GAS7: variants seen among roughly 807,000 people sequenced by gnomAD.
The protein encoded by GAS7 is growth arrest-specific protein 7.
Under a neutral mutation model 71.1 loss-of-function variants are expected in GAS7, and 28 were observed. The observed-to-expected ratio is 0.39, with a 90% CI of 0.29 to 0.54. The LOEUF (loss-of-function observed/expected upper bound fraction) is 0.54, where lower values mean the gene tolerates loss of function less well. GAS7 is among the 20% of genes least tolerant of loss of function. The pLI is 0.62. For missense variants in GAS7, 436 were observed against 627.8 expected (o/e 0.69, Z 3.27); for synonymous variants, 258 against 245.8 (o/e 1.05, Z -0.46).
In GAS7 at chr17:10,078,896, T is replaced by A. The variant is rs1050931380; in HGVS notation, c.184-58999A>T. On this transcript the variant is annotated intron_variant, in intron 1 of 13. Transcript: ENST00000432992. The stretch of plus-strand genomic sequence containing the variant: ...AAACCTCTATCTCTACAAAAAAAAA[T>A]TTTTTTAATTAGCCAGGTGTGATGG... 8.0e-4 allele frequency among the ~76,000 whole-genome samples: 122 copies of A among 152,042 alleles called. 1 individual carries two copies. Among genetic ancestry groups the A allele is most frequent in the African/African-American group, 2.2e-3 (90 of 41,486 alleles).
rs994503208 is a variant in GAS7, at chr17:9,979,103, A to G, written c.385+2701T>C. 5.3e-5 allele frequency among the ~76,000 whole-genome samples: 8 copies of G among 152,230 alleles called. No individual in the cohort carries two copies. In the South Asian group the frequency reaches 1.4e-3, roughly 28 times the overall value. On this transcript the variant is annotated intron_variant, in intron 3 of 13. Coordinates refer to ENST00000432992, the MANE Select transcript of GAS7 (RefSeq NM_201433.2). ...AAAGAGGGAGGAAAGCTTAACACAT[A>G]TGTGGTATGTTTCAAACAAAGAAAC...
chr17:10,185,562 C>T (rs1189715706), intron 1 of GAS7, among the ~76,000 whole-genome samples: 1 of 152,110 alleles, frequency 6.6e-6, no homozygotes, highest in Non-Finnish European at 1.5e-5. Flanking sequence ...AACGTGTTTC[C>T]CCAAGTTCTG....
chr17:10,168,050 G>A (rs2074308644), intron 1 of GAS7, among the ~76,000 whole-genome samples: 3 of 152,078 alleles, frequency 2.0e-5, no homozygotes, highest in Admixed American at 2.0e-4. Flanking sequence ...CTGGGCTCAA[G>A]GTACTCCCAC....
chr17:9,939,916 C>G (rs924595092), intron 8 of GAS7, among the ~76,000 whole-genome samples: 7 of 152,146 alleles, frequency 4.6e-5, no homozygotes, highest in Non-Finnish European at 7.4e-5. Context: ...TGGAAGTGCC[C>G]TTTTGAGTGT....
At chr17:10,137,761 G>A (rs1335976718) in intron 1 of GAS7, among the ~76,000 whole-genome samples, 2 of 151,946 alleles carry the variant, frequency 1.3e-5, no homozygotes, top group African/African-American at 2.4e-5. Context: ...GGCTGGTCTC[G>A]AACTCCTGGC....
chr17:10,167,044 C>CTTTTTTTTTTTTTTT lies in GAS7; in HGVS notation c.183+31149_183+31163dup, dbSNP rs1164151104. On this transcript the variant is annotated intron_variant, in intron 1 of 13. Coordinates refer to ENST00000432992, the MANE Select transcript of GAS7 (RefSeq NM_201433.2). The stretch of plus-strand genomic sequence containing the variant: ...AAACCAATCTACTATTTCCATTTGT[C>CTTTTTTTTTTTTTTT]TTTTTTTTTTTTTTTTTTTTTTTTT... Among the ~76,000 whole-genome samples the CTTTTTTTTTTTTTTT allele has an allele frequency of 3.6e-3, 214 of 58,806 alleles. 47 individuals are homozygous for CTTTTTTTTTTTTTTT. The highest frequency in any genetic ancestry group is 7.6e-3 in the African/African-American group (94 of 12,300). 38.6% of individuals were successfully genotyped at this position (58,806 alleles called of 152,430 possible). A position where few individuals can be genotyped will look rare whatever the true frequency, so the allele number is the denominator to read the frequency against.
chr17:10,072,407 C>T (rs1346058659), intron 1 of GAS7, among the ~76,000 whole-genome samples: 2 of 152,164 alleles, frequency 1.3e-5, no homozygotes, highest in Non-Finnish European at 2.9e-5. Context: ...GAGGAGCTGG[C>T]TTGGCATCCC....
intron 11 of GAS7, among the ~76,000 whole-genome samples, chr17:9,923,562 C>G (rs1056185584): frequency 6.6e-6 from 1 of 152,180 alleles, no homozygotes; most frequent in African/African-American, 2.4e-5. Context: ...ATTTTACATA[C>G]TCAACCTGGG....
At chr17:9,927,320 C>T (rs940167026) in intron 9 of GAS7, among the ~76,000 whole-genome samples, 4 of 150,656 alleles carry the variant, frequency 2.7e-5, no homozygotes, top group African/African-American at 9.8e-5. Flanking sequence ...CACACACACA[C>T]ACACACACAC....
At chr17:9,995,883 C>T (rs1209231988) in intron 2 of GAS7, among the ~76,000 whole-genome samples, 2 of 152,174 alleles carry the variant, frequency 1.3e-5, no homozygotes. Context: ...GATGTATCGA[C>T]AGGGTGGCAT....
At chr17:10,114,918 CA>C (rs1211687910) in intron 1 of GAS7, among the ~76,000 whole-genome samples, 1 of 152,184 alleles carries the variant, frequency 6.6e-6, no homozygotes, top group Non-Finnish European at 1.5e-5. Flanking sequence ...GATTCTCTGG[CA>C]AGCCAGGAGT....
chr17:10,005,350 T>C (rs1035998932), intron 2 of GAS7, among the ~76,000 whole-genome samples: 231 of 148,714 alleles, frequency 1.6e-3, no homozygotes, highest in African/African-American at 5.4e-3. Context: ...CACACACATA[T>C]ATATATATAT....
At chr17:9,923,694 T>C (rs982145837) in intron 11 of GAS7, among the ~76,000 whole-genome samples, 4 of 152,258 alleles carry the variant, frequency 2.6e-5, no homozygotes, top group Admixed American at 6.5e-5. Flanking sequence ...ATAGATGCTG[T>C]TGATAGGTGC....
At chr17:10,120,958 A>C (rs1304107635) in intron 1 of GAS7, among the ~76,000 whole-genome samples, 1 of 152,216 alleles carries the variant, frequency 6.6e-6, no homozygotes. Flanking sequence ...TGGAACCCCA[A>C]GGTGGGCACG....
rs113042227 is a variant in GAS7, at chr17:10,067,182, C to T, written c.184-47285G>A. Among the ~76,000 whole-genome samples the T allele has an allele frequency of 6.4e-3, 976 of 152,218 alleles. 14 individuals carry two copies. Among genetic ancestry groups the T allele is most frequent in the African/African-American group, 0.022 (899 of 41,546 alleles). ...CGGGAGTGGAGTTTCCAGCCCACCA[C>T]AGCAGAGGCTCCTCTGCCTTCCATT... On this transcript the variant is annotated intron_variant, in intron 1 of 13. Coordinates refer to ENST00000432992, the MANE Select transcript of GAS7 (RefSeq NM_201433.2).
intron 1 of GAS7, among the ~76,000 whole-genome samples, chr17:10,022,659 G>T (rs574406098): frequency 1.3e-5 from 2 of 152,286 alleles, no homozygotes; most frequent in East Asian, 3.9e-4. Context: ...GTAACAATAC[G>T]TAACTCAGCA....
chr17:10,183,773 C>T (rs1369201275), intron 1 of GAS7, among the ~76,000 whole-genome samples: 2 of 151,718 alleles, frequency 1.3e-5, no homozygotes, highest in Admixed American at 6.6e-5. Flanking sequence ...ACCCAGGAGG[C>T]GGAGCTTGCA....
chr17:10,000,789 C>G (rs1383923240), intron 2 of GAS7, among the ~76,000 whole-genome samples: 1 of 152,206 alleles, frequency 6.6e-6, no homozygotes, highest in Non-Finnish European at 1.5e-5. Context: ...TCTTCCGCTT[C>G]CCAAGGCTTT....
intron 2 of GAS7, among the ~76,000 whole-genome samples, chr17:10,018,486 T>A (rs2072128447): frequency 6.6e-6 from 1 of 152,182 alleles, no homozygotes; most frequent in Non-Finnish European, 1.5e-5. Context: ...ATAGACACAC[T>A]CTCCTCTGAA....
Sources: allele counts gnomAD v4.1 joint callset (sites outside exome capture counted in the v4.1 genomes callset), GRCh38; gene constraint gnomAD v4.1.1; transcripts MANE v1.5; gene names NCBI Gene and HGNC (gene_info 2026-07-23, HGNC 2026-07-21).